The following NCKAP5 variants were observed in gnomAD, a reference collection of about 807,000 sequenced individuals.
NCKAP5 encodes the protein nck-associated protein 5.
In NCKAP5, 92 loss-of-function variants were observed where a neutral mutation model predicts 167.0. That is an observed-to-expected ratio of 0.55 (90% CI 0.47 to 0.66). The LOEUF is 0.66. Among genes scored for constraint, NCKAP5 ranks in the 30% least tolerant of loss-of-function variants. The pLI, the probability that NCKAP5 is intolerant of heterozygous loss-of-function variation, is 0.00. For missense variants in NCKAP5, 2,378 were observed against 2,315.0 expected (o/e 1.03, Z -0.56); for synonymous variants, 891 against 877.4 (o/e 1.02, Z -0.27).
chr2:133,314,421 T>C (rs1256280680), intron 3 of NCKAP5, among the ~76,000 whole-genome samples: 1 of 152,128 alleles, frequency 6.6e-6, no homozygotes, highest in East Asian at 1.9e-4. Context: ...TTTGATTCAG[T>C]GGGCATGCAA....
chr2:133,053,009 G>T (rs2079658808), intron 6 of NCKAP5, among the ~76,000 whole-genome samples: 1 of 152,100 alleles, frequency 6.6e-6, no homozygotes, highest in Non-Finnish European at 1.5e-5. Flanking sequence ...ATGAGAGGGG[G>T]AGATAAAAAA....
chr2:132,804,826 C>T lies in NCKAP5; in HGVS notation c.808-8097G>A, dbSNP rs150094143. Among the ~76,000 whole-genome samples, 1,063 of 152,084 alleles carry T rather than the reference C, an allele frequency of 7.0e-3. 4 individuals carry two copies. Among genetic ancestry groups the T allele is most frequent in the Non-Finnish European group, 0.011 (722 of 67,990 alleles). On this transcript the variant is annotated intron_variant, in intron 11 of 19. Transcript: ENST00000409261. ...AAGGAAGGCATCTGAAGTCACAATG[C>T]TACATATATTTCAGGAAGCAGGAGA...
chr2:133,408,241 G>A (rs1688562783), intron 3 of NCKAP5, among the ~76,000 whole-genome samples: 1 of 152,170 alleles, frequency 6.6e-6, no homozygotes, highest in Non-Finnish European at 1.5e-5. Context: ...CTGTCCTCAA[G>A]GCGTGTGGCA....
At chr2:133,167,588 G>A (rs1007697763) in intron 5 of NCKAP5, among the ~76,000 whole-genome samples, 1 of 152,110 alleles carries the variant, frequency 6.6e-6, no homozygotes, top group African/African-American at 2.4e-5. Flanking sequence ...ATAATGAAGT[G>A]AGGCAACGAA....
At chr2:133,613,955 C>A in the NCKAP5 span, among the ~76,000 whole-genome samples, 1 of 152,190 alleles carries the variant, frequency 6.6e-6, no homozygotes, top group East Asian at 1.9e-4. Flanking sequence ...TTCAAAGAAT[C>A]TTCTGGGGCA....
intron 4 of NCKAP5, among the ~76,000 whole-genome samples, chr2:133,284,935 C>T (rs910336052): frequency 3.9e-5 from 6 of 152,298 alleles, no homozygotes; most frequent in Admixed American, 2.0e-4. Context: ...CATGTCCTTA[C>T]GTTATTCATA....
At chr2:132,747,171 C>CAAAA (rs140348727) in intron 16 of NCKAP5, among the ~76,000 whole-genome samples, 13,422 of 123,808 alleles carry the variant, frequency 0.11, 755 homozygotes, top group Middle Eastern at 0.17. Context: ...CTCAGCCTGC[C>CAAAA]AAAAAAAAAA....
intron 6 of NCKAP5, among the ~76,000 whole-genome samples, chr2:133,124,211 T>C (rs764291712): frequency 1.3e-5 from 2 of 152,018 alleles, no homozygotes; most frequent in East Asian, 3.9e-4. Context: ...AAAGCTTGAG[T>C]TCCATGTGGG....
At chr2:132,859,306 C>G (rs1404667483) in intron 11 of NCKAP5, among the ~76,000 whole-genome samples, 1 of 152,142 alleles carries the variant, frequency 6.6e-6, no homozygotes, top group African/African-American at 2.4e-5. Context: ...AAATGAATTA[C>G]AATTTCCCGT....
intron 6 of NCKAP5, among the ~76,000 whole-genome samples, chr2:133,009,593 G>A (rs903173871): frequency 6.6e-6 from 1 of 152,094 alleles, no homozygotes; most frequent in South Asian, 2.1e-4. Context: ...CCATTTATCT[G>A]TTCCTCTATT....
intron 16 of NCKAP5, among the ~76,000 whole-genome samples, chr2:132,734,612 AGTTTG>A (rs1691331035): frequency 6.6e-6 from 1 of 152,184 alleles, no homozygotes; most frequent in Admixed American, 6.5e-5. Flanking sequence ...CGTCATCAAA[AGTTTG>A]GTGCTTATTA....
intron 15 of NCKAP5, among the ~76,000 whole-genome samples, chr2:132,779,319 T>C (rs1389707939): frequency 2.6e-5 from 4 of 152,208 alleles, no homozygotes; most frequent in Non-Finnish European, 5.9e-5. Flanking sequence ...ACAGTGAAGA[T>C]ATACCCTAGG....
At chr2:133,502,947 C>A (rs558093522) in intron 3 of NCKAP5, among the ~76,000 whole-genome samples, 1 of 152,184 alleles carries the variant, frequency 6.6e-6, no homozygotes, top group East Asian at 1.9e-4. Flanking sequence ...CTCTATGTTG[C>A]GATGGTAGGC....
At chr2:132,950,237 A>T (rs2076142895) in intron 8 of NCKAP5, among the ~76,000 whole-genome samples, 1 of 152,258 alleles carries the variant, frequency 6.6e-6, no homozygotes, top group East Asian at 1.9e-4. Context: ...GATCCACATA[A>T]GATGATCAGA....
intron 8 of NCKAP5, among the ~76,000 whole-genome samples, chr2:132,908,290 G>A (rs1488868549): frequency 6.6e-6 from 1 of 151,800 alleles, no homozygotes; most frequent in Non-Finnish European, 1.5e-5. Context: ...CCTACAACAT[G>A]GTTTTTAGGT....
intron 1 of NCKAP5, among the ~76,000 whole-genome samples, chr2:133,567,680 T>TGG (rs1379104925): frequency 1.7e-4 from 25 of 151,440 alleles, no homozygotes; most frequent in Non-Finnish European, 7.4e-5. Flanking sequence ...TGTGTGTGTG[T>TGG]GTGTGTGTGT....
At chr2:133,404,243 G>A (rs1421142456) in intron 3 of NCKAP5, among the ~76,000 whole-genome samples, 1 of 152,104 alleles carries the variant, frequency 6.6e-6, no homozygotes, top group Non-Finnish European at 1.5e-5. Context: ...TGAAATACAG[G>A]CCTAAATTGA....
chr2:132,766,107 C>T (rs1681455109), intron 16 of NCKAP5, among the ~76,000 whole-genome samples: 2 of 151,708 alleles, frequency 1.3e-5, no homozygotes. Flanking sequence ...TGGTGAAACC[C>T]CGTCTCTACT....
chr2:132,821,864 G>A (rs1686764817), intron 11 of NCKAP5, among the ~76,000 whole-genome samples: 1 of 152,150 alleles, frequency 6.6e-6, no homozygotes, highest in African/African-American at 2.4e-5. Context: ...GCCGTGGCAA[G>A]CTCCACCCAA....
Sources: gnomAD v4.1 joint callset for allele counts (sites outside exome capture counted in the v4.1 genomes callset) on GRCh38, gnomAD v4.1.1 for gene constraint, MANE v1.5 for transcripts, NCBI Gene and HGNC (gene_info 2026-07-23, HGNC 2026-07-21) for gene names.